The following PDCL2 variants were observed in gnomAD, a reference collection of about 807,000 sequenced individuals.
PDCL2 encodes the protein phosducin-like protein 2.
A neutral mutation model predicts 30.3 loss-of-function variants in PDCL2; 23 were observed. The observed-to-expected ratio is 0.76, with a 90% confidence interval of 0.55 to 1.08. The LOEUF is 1.08. Among genes scored for constraint, PDCL2 ranks in the 50% least tolerant of loss-of-function variants. The probability of loss-of-function intolerance (pLI) is 0.00; values close to 1 mark genes in which losing one functional copy is unlikely to be tolerated. For synonymous variants in PDCL2, 68 were observed against 86.2 expected (o/e 0.79, Z 1.17); for missense variants, 243 against 282.3 (o/e 0.86, Z 1.00).
intron 2 of PDCL2, among the ~76,000 whole-genome samples, chr4:55,581,274 A>G (rs1229375815): frequency 6.6e-6 from 1 of 152,104 alleles, no homozygotes; most frequent in Non-Finnish European, 1.5e-5. Context: ...CACCCTGGCC[A>G]ACAAAGTTAG....
intron 3 of PDCL2, among the ~76,000 whole-genome samples, chr4:55,572,997 A>C (rs963249612): frequency 1.3e-5 from 2 of 152,080 alleles, no homozygotes; most frequent in Non-Finnish European, 2.9e-5. Context: ...TGACCTTGTG[A>C]TCTGCCCACC....
intron 5 of PDCL2, among the ~76,000 whole-genome samples, chr4:55,557,343 T>C (rs1262856834): frequency 1.3e-5 from 2 of 152,124 alleles, no homozygotes; most frequent in African/African-American, 4.8e-5. Context: ...AAGTACATGG[T>C]TGAGGGGCCT....
At chr4:55,577,227 C>T (rs908857862) in intron 3 of PDCL2, among the ~76,000 whole-genome samples, 25 of 152,198 alleles carry the variant, frequency 1.6e-4, no homozygotes, top group Admixed American at 1.2e-3. Flanking sequence ...GCATTAATCC[C>T]GTTCATAAAG....
chr4:55,571,686 C>CAAAAA (rs761336707), intron 3 of PDCL2, among the ~76,000 whole-genome samples: 2 of 36,898 alleles, frequency 5.4e-5, no homozygotes, highest in African/African-American at 1.6e-4. Flanking sequence ...GACTCCATCT[C>CAAAAA]AAAAAAAAAA....
intron 1 of PDCL2, among the ~76,000 whole-genome samples, chr4:55,589,906 A>G (rs1388738833): frequency 6.6e-6 from 1 of 152,070 alleles, no homozygotes; most frequent in East Asian, 1.9e-4. Context: ...ATTAAGAGTA[A>G]GCTTTGGCAG....
chr4:55,584,296 G>A (rs150529485), intron 1 of PDCL2, among the ~76,000 whole-genome samples: 2,400 of 151,164 alleles, frequency 0.016, 22 homozygotes, highest in Middle Eastern at 0.055. Flanking sequence ...TCGTTCTGTC[G>A]CCCAGGCTGG....
At chr4:55,577,053 A>G (rs1343335171) in intron 3 of PDCL2, among the ~76,000 whole-genome samples, 3 of 152,082 alleles carry the variant, frequency 2.0e-5, no homozygotes, top group Non-Finnish European at 4.4e-5. Flanking sequence ...ACAGGCCACT[A>G]CACCCAACTA....
At chr4:55,582,715 T>A (rs2110166503) in intron 1 of PDCL2, among the ~76,000 whole-genome samples, 1 of 151,776 alleles carries the variant, frequency 6.6e-6, no homozygotes, top group South Asian at 2.1e-4. Flanking sequence ...CATTAACTCG[T>A]CATTTACATT....
intron 5 of PDCL2, among the ~76,000 whole-genome samples, chr4:55,558,259 A>G (rs75801206): frequency 0.34 from 51,264 of 151,920 alleles, 9,326 homozygotes; most frequent in East Asian, 0.58. Flanking sequence ...ACCTTGAACA[A>G]TAGTTCTTAT....
chr4:55,571,457 G>A (rs1440111160), intron 3 of PDCL2, among the ~76,000 whole-genome samples: 1 of 150,452 alleles, frequency 6.6e-6, no homozygotes, highest in Non-Finnish European at 1.5e-5. Flanking sequence ...GGAGGCCGAG[G>A]CGGGCAGATC....
chr4:55,586,419 G>A (rs1732866362), intron 1 of PDCL2, among the ~76,000 whole-genome samples: 1 of 152,152 alleles, frequency 6.6e-6, no homozygotes, highest in African/African-American at 2.4e-5. Flanking sequence ...CTTCATGCAG[G>A]TGGAACCATA....
intron 3 of PDCL2, among the ~76,000 whole-genome samples, chr4:55,578,858 C>A (rs1732636701): frequency 1.3e-5 from 2 of 152,136 alleles, no homozygotes; most frequent in South Asian, 4.1e-4. Flanking sequence ...ATGCAATATC[C>A]TGTTTGTGTT....
intron 1 of PDCL2, among the ~76,000 whole-genome samples, chr4:55,590,392 A>C (rs1732969168): frequency 6.9e-6 from 1 of 145,520 alleles, no homozygotes; most frequent in Non-Finnish European, 1.5e-5. Flanking sequence ...GTGGGAGAAC[A>C]CTTGAGCCTG....
intron 1 of PDCL2, among the ~76,000 whole-genome samples, chr4:55,586,998 C>T (rs190825142): frequency 1.3e-5 from 2 of 151,700 alleles, no homozygotes; most frequent in African/African-American, 4.9e-5. Flanking sequence ...TGTCTTAGTC[C>T]AGTTTGTACT....
rs529023125 is a variant in PDCL2, at chr4:55,585,889, G to C, written c.7-3652C>G. ...GTATTTCTGTGGTATCAGCTGTAAG[G>C]CCTCCTCTTTTGTTTCTGATTTTAT... On this transcript the variant is annotated intron_variant, in intron 1 of 5. Transcript: ENST00000295645. Among the ~76,000 whole-genome samples the C allele has an allele frequency of 7.9e-5, 12 of 152,136 alleles. No individual in the cohort carries two copies. The East Asian group carries it at 1.7e-3, about 22-fold the overall frequency.
chr4:55,589,776 T>C (rs1342607420), intron 1 of PDCL2, among the ~76,000 whole-genome samples: 3 of 152,002 alleles, frequency 2.0e-5, no homozygotes, highest in Admixed American at 1.3e-4. Context: ...CCAGGGAAAA[T>C]GAGTGTATGT....
intron 3 of PDCL2, among the ~76,000 whole-genome samples, chr4:55,571,594 G>A (rs570601674): frequency 2.5e-4 from 15 of 59,018 alleles, no homozygotes; most frequent in African/African-American, 1.2e-3. Context: ...GGCTGAGGCA[G>A]GAGAATCACT....
At chr4:55,590,876 T>C (rs558532075) in intron 1 of PDCL2, among the ~76,000 whole-genome samples, 23 of 152,332 alleles carry the variant, frequency 1.5e-4, no homozygotes, top group African/African-American at 4.3e-4. Flanking sequence ...TTAATAGTTA[T>C]ATCTGTCTTC....
chr4:55,587,151 C>T (rs930156038), intron 1 of PDCL2, among the ~76,000 whole-genome samples: 1 of 139,060 alleles, frequency 7.2e-6, no homozygotes, highest in African/African-American at 2.7e-5. Context: ...CAAGATGGTA[C>T]CTTGAACACT....
Sources: gnomAD v4.1 joint callset for allele counts (sites outside exome capture counted in the v4.1 genomes callset) on GRCh38, gnomAD v4.1.1 for gene constraint, MANE v1.5 for transcripts, NCBI Gene and HGNC (gene_info 2026-07-23, HGNC 2026-07-21) for gene names.